ATXN10: variants seen among roughly 807,000 people sequenced by gnomAD.
The protein encoded by ATXN10 is ataxin 10, also known as ataxin-10.
In ATXN10, 28 loss-of-function variants were observed where a neutral mutation model predicts 52.9. The observed-to-expected ratio is 0.53, with a 90% CI of 0.39 to 0.73. ATXN10 has a LOEUF of 0.73. Among genes scored for constraint, ATXN10 ranks in the 30% least tolerant of loss-of-function variants. ATXN10 has a pLI of 0.00. For synonymous variants in ATXN10, 226 were observed against 221.5 expected (o/e 1.02, Z -0.18); for missense variants, 565 against 577.0 (o/e 0.98, Z 0.21).
At position 45,683,161 on chromosome 22, in the gene ATXN10, A is replaced by G. The variant is rs1298950099; in HGVS notation, c.117-6551A>G. 6.6e-6 allele frequency among the ~76,000 whole-genome samples: 1 copy of G among 152,166 alleles called. No homozygotes were observed. The highest frequency in any genetic ancestry group is 1.5e-5 in the Non-Finnish European group (1 of 68,024). ...TGGTGAAACCCCATCTCTACTAAAA[A>G]TACAAAAATTTGTTGGGCATGGTGG... On this transcript the variant is annotated intron_variant, in intron 1 of 11. Coordinates refer to ENST00000252934, the MANE Select transcript of ATXN10 (RefSeq NM_013236.4). The surrounding 1 kb of genome is among the most constrained non-coding windows in gnomAD (Gnocchi z 4.8).
intron 9 of ATXN10, among the ~76,000 whole-genome samples, chr22:45,791,889 C>T (rs190932610): frequency 1.3e-5 from 2 of 152,236 alleles, no homozygotes; most frequent in South Asian, 2.1e-4. Flanking sequence ...GGGTGGAACT[C>T]GCTTGAGAGC....
chr22:45,839,205 C>A (rs743849), intron 10 of ATXN10, among the ~76,000 whole-genome samples: 4 of 152,198 alleles, frequency 2.6e-5, no homozygotes, highest in Non-Finnish European at 5.9e-5. Flanking sequence ...GGTCTTGTGG[C>A]CTTATTTCTT....
At chr22:45,739,144 G>A (rs1046279734) in intron 8 of ATXN10, among the ~76,000 whole-genome samples, 15 of 152,162 alleles carry the variant, frequency 9.9e-5, no homozygotes, top group African/African-American at 3.4e-4. Flanking sequence ...AGAAGGTGGG[G>A]CAGGCAGGTT....
chr22:45,752,743 C>CT (rs749747399), intron 9 of ATXN10, among the ~76,000 whole-genome samples: 6,901 of 145,670 alleles, frequency 0.047, 176 homozygotes, highest in Non-Finnish European at 0.062. Flanking sequence ...AGATCCACTT[C>CT]TTTTTTTTTT....
chr22:45,773,422 A>T (rs1299889697), intron 9 of ATXN10, among the ~76,000 whole-genome samples: 2 of 151,594 alleles, frequency 1.3e-5, no homozygotes, highest in Non-Finnish European at 2.9e-5. Flanking sequence ...TGGGAACAGA[A>T]CCTACTTTTT....
intron 9 of ATXN10, among the ~76,000 whole-genome samples, chr22:45,800,413 C>A (rs114841034): frequency 1.5e-3 from 227 of 152,268 alleles, no homozygotes; most frequent in African/African-American, 5.4e-3. Flanking sequence ...AAATTAAGAC[C>A]ACAGTGTGAT....
chr22:45,694,062 C>T (rs922582914), intron 3 of ATXN10, among the ~76,000 whole-genome samples: 7 of 151,886 alleles, frequency 4.6e-5, no homozygotes, highest in East Asian at 1.9e-4. Context: ...ACTCACATTC[C>T]GTTGAGGGGA....
At chr22:45,700,409 T>C (rs760164706) in intron 4 of ATXN10, 31 bp downstream of exon 4, 2 of 1,525,128 alleles carry the variant, frequency 1.3e-6, no homozygotes, top group Non-Finnish European at 1.8e-6. Context: ...TTTTCTAACT[T>C]GTGAGAAGAT....
At chr22:45,788,567 C>T (rs565130461) in intron 9 of ATXN10, among the ~76,000 whole-genome samples, 1 of 152,032 alleles carries the variant, frequency 6.6e-6, no homozygotes, top group Non-Finnish European at 1.5e-5. Context: ...GCCGCTCTTG[C>T]TCCTTCTCAC....
rs1185479147 is a variant in ATXN10 at position 45,837,201 on chromosome 22, A to G, written c.1238-5790A>G. Reference sequence around the variant, plus strand: ...ATGAAAAGTCTTTTAACACATTTAAATCATTTTAATTTACATAATGCATAT... The same window carrying G: ...ATGAAAAGTCTTTTAACACATTTAAGTCATTTTAATTTACATAATGCATAT... On this transcript the variant is annotated intron_variant, in intron 10 of 11. Transcript: ENST00000252934. This position sits in a 1 kb window ranked among gnomAD's most constrained non-coding sequence, Gnocchi z 5.8. Among the ~76,000 whole-genome samples the G allele has an allele frequency of 6.6e-6, 1 of 152,214 alleles. No homozygotes were observed. The highest frequency in any genetic ancestry group is 1.5e-5 in the Non-Finnish European group (1 of 68,042).
At chr22:45,793,773 G>T in intron 9 of ATXN10, 1 of 1,356,438 alleles carries the variant, frequency 7.4e-7, no homozygotes, top group African/African-American at 1.5e-5. Context: ...CAGTGATGCA[G>T]GACAGGTAAG....
At chr22:45,672,293 G>A in intron 1 of ATXN10, 114 bp downstream of exon 1, 1 of 1,123,282 alleles carries the variant, frequency 8.9e-7, no homozygotes, top group Non-Finnish European at 1.1e-6. Context: ...CGCGGAGGGC[G>A]AGGCCTGCGC....
At chr22:45,764,325 G>T (rs1440857855) in intron 9 of ATXN10, among the ~76,000 whole-genome samples, 2 of 150,952 alleles carry the variant, frequency 1.3e-5, no homozygotes, top group African/African-American at 4.9e-5. Context: ...TTCCTGCTCA[G>T]CATTACCAGG....
intron 1 of ATXN10, among the ~76,000 whole-genome samples, chr22:45,686,214 G>T (rs1225305158): frequency 6.6e-6 from 1 of 152,134 alleles, no homozygotes; most frequent in African/African-American, 2.4e-5. Context: ...TAAGTGCTTG[G>T]ATTACATAGC....
intron 9 of ATXN10, among the ~76,000 whole-genome samples, chr22:45,798,152 A>G (rs2146875277): frequency 6.6e-6 from 1 of 152,346 alleles, no homozygotes; most frequent in African/African-American, 2.4e-5. Context: ...AGGAGGGAAC[A>G]CTTCTCAACT....
chr22:45,829,490 C>A (rs1232830238), intron 10 of ATXN10, among the ~76,000 whole-genome samples: 2 of 152,118 alleles, frequency 1.3e-5, no homozygotes, highest in East Asian at 3.8e-4. Flanking sequence ...CCATCCCCCT[C>A]ATACACAAAA....
At chr22:45,761,816 G>GTGT (rs1437457068) in intron 9 of ATXN10, among the ~76,000 whole-genome samples, 2 of 152,138 alleles carry the variant, frequency 1.3e-5, no homozygotes, top group African/African-American at 2.4e-5. Context: ...TTAGACCATT[G>GTGT]TGTTAGATTT....
intron 5 of ATXN10, among the ~76,000 whole-genome samples, chr22:45,714,991 A>G (rs916760708): frequency 2.0e-5 from 3 of 152,106 alleles, no homozygotes; most frequent in African/African-American, 7.2e-5. Context: ...CCTAGTCCCT[A>G]TACCCTTACT....
intron 10 of ATXN10, 38 bp downstream of exon 10, chr22:45,807,060 G>A (rs377438871): frequency 4.5e-6 from 7 of 1,572,396 alleles, no homozygotes; most frequent in Non-Finnish European, 6.1e-6. Flanking sequence ...CAAGTTTACA[G>A]CCGGGGCCCT....
Sources: allele counts gnomAD v4.1 joint callset (sites outside exome capture counted in the v4.1 genomes callset), GRCh38; gene constraint gnomAD v4.1.1; non-coding constraint Gnocchi (gnomAD v3.1); transcripts MANE v1.5; gene names NCBI Gene and HGNC (gene_info 2026-07-23, HGNC 2026-07-21).